DYRK1A: variants seen among roughly 807,000 people sequenced by gnomAD.
DYRK1A encodes the protein dual specificity tyrosine-phosphorylation-regulated kinase 1A.
Under a neutral mutation model 79.7 loss-of-function variants are expected in DYRK1A, and 9 were observed. That is an observed-to-expected ratio of 0.11 (90% CI 0.07 to 0.20). The LOEUF (loss-of-function observed/expected upper bound fraction) is 0.20. Ranked by LOEUF, DYRK1A falls within the 10% of genes least tolerant of loss-of-function variation. The pLI, the probability that DYRK1A is intolerant of heterozygous loss-of-function variation, is 1.00. For missense variants in DYRK1A, 622 were observed against 956.0 expected (o/e 0.65, Z 4.61); for synonymous variants, 349 against 329.7 (o/e 1.06, Z -0.63).
chr21:37,400,353 G>C (rs2050030739), intron 1 of DYRK1A, among the ~76,000 whole-genome samples: 1 of 152,034 alleles, frequency 6.6e-6, no homozygotes. Context: ...ACATTTATAG[G>C]TTTCACAGTG....
At chr21:37,482,039 T>G (rs973359072) in intron 5 of DYRK1A, among the ~76,000 whole-genome samples, 5 of 152,292 alleles carry the variant, frequency 3.3e-5, no homozygotes, top group Admixed American at 3.3e-4. Flanking sequence ...AACTTTTGAC[T>G]TTTCGATGAT....
At chr21:37,384,829 TTATAA>T (rs547519283) in intron 1 of DYRK1A, among the ~76,000 whole-genome samples, 180 of 152,214 alleles carry the variant, frequency 1.2e-3, no homozygotes, top group African/African-American at 4.2e-3. Flanking sequence ...GCAGCAAAAA[TTATAA>T]TATGTGATAT....
At chr21:37,417,529 C>CTTTTTCTT (rs1555959239) in intron 1 of DYRK1A, among the ~76,000 whole-genome samples, 973 of 43,962 alleles carry the variant, frequency 0.022, 37 homozygotes, top group Non-Finnish European at 0.03. Flanking sequence ...TTTTCTTTTT[C>CTTTTTCTT]TTTTTTTTTT....
intron 6 of DYRK1A, 114 bp downstream of exon 6, chr21:37,486,728 T>G: frequency 8.7e-7 from 1 of 1,143,076 alleles, no homozygotes; most frequent in Non-Finnish European, 1.1e-6. Flanking sequence ...GATTAAAAAT[T>G]TGTTTATTTC....
intron 3 of DYRK1A, 126 bp downstream of exon 3, chr21:37,473,006 T>G: frequency 2.8e-6 from 2 of 708,790 alleles, no homozygotes; most frequent in South Asian, 4.9e-5. Context: ...GATTATGGAT[T>G]GGGAAAACAT....
chr21:37,402,706 T>A (rs2050074978), intron 1 of DYRK1A, among the ~76,000 whole-genome samples: 1 of 151,876 alleles, frequency 6.6e-6, no homozygotes, highest in African/African-American at 2.4e-5. Context: ...TCTGTTCAGT[T>A]TTCTTTAGTC....
chr21:37,375,505 C>A, intron 1 of DYRK1A, among the ~76,000 whole-genome samples: 1 of 144,352 alleles, frequency 6.9e-6, no homozygotes. Flanking sequence ...TAGAATATTC[C>A]TAGAGGAATA....
chr21:37,457,243 C>G (rs2051681285), intron 2 of DYRK1A, among the ~76,000 whole-genome samples: 1 of 151,440 alleles, frequency 6.6e-6, no homozygotes, highest in Admixed American at 6.6e-5. Context: ...TTTTTGTATC[C>G]CCCCCGCAAG....
intron 1 of DYRK1A, among the ~76,000 whole-genome samples, chr21:37,370,195 A>G: frequency 6.6e-6 from 1 of 152,222 alleles, no homozygotes. Context: ...ATACCTTGTT[A>G]TAAACATGGT....
At chr21:37,464,034 A>G (rs2051940821) in intron 2 of DYRK1A, among the ~76,000 whole-genome samples, 1 of 152,258 alleles carries the variant, frequency 6.6e-6, no homozygotes, top group Non-Finnish European at 1.5e-5. Flanking sequence ...CATTACTAAC[A>G]AAGAAATTCA....
intron 1 of DYRK1A, among the ~76,000 whole-genome samples, chr21:37,406,829 TTA>T (rs60475064): frequency 0.013 from 1,874 of 147,742 alleles, 26 homozygotes; most frequent in African/African-American, 0.036. Flanking sequence ...ATATATGTAA[TTA>T]TATATATATA....
intron 2 of DYRK1A, among the ~76,000 whole-genome samples, chr21:37,440,215 A>G (rs982059841): frequency 4.7e-5 from 6 of 129,018 alleles, no homozygotes; most frequent in African/African-American, 1.7e-4. Flanking sequence ...GGTTCACTGC[A>G]ACCTCCGCCC....
At chr21:37,378,222 T>A (rs2049586787) in intron 1 of DYRK1A, among the ~76,000 whole-genome samples, 1 of 152,236 alleles carries the variant, frequency 6.6e-6, no homozygotes, top group Admixed American at 6.5e-5. Context: ...CTTCATCAGA[T>A]GTATGTTATA....
At chr21:37,393,443 G>T (rs1007731846) in intron 1 of DYRK1A, among the ~76,000 whole-genome samples, 3 of 152,046 alleles carry the variant, frequency 2.0e-5, no homozygotes, top group Admixed American at 2.0e-4. Flanking sequence ...TGGAAGATGG[G>T]GTCTTGACTC....
intron 2 of DYRK1A, 60 bp from the exon 3 acceptor site, chr21:37,472,619 TATGTC>T (rs2052262144): frequency 2.3e-6 from 3 of 1,319,554 alleles, no homozygotes; most frequent in Non-Finnish European, 3.1e-6. Flanking sequence ...AACCATTAGA[TATGTC>T]AAATGATACA....
At chr21:37,495,155 TGTGTGTGTGTGTG>T (rs2053226266) in intron 8 of DYRK1A, among the ~76,000 whole-genome samples, 5 of 4,206 alleles carry the variant, frequency 1.2e-3, no homozygotes, top group African/African-American at 2.4e-3. Flanking sequence ...TGGGATTTTG[TGTGTGTGTGTGTG>T]TGTGTGTGTG....
chr21:37,407,559 T>C (rs1019048193), intron 1 of DYRK1A, among the ~76,000 whole-genome samples: 6 of 152,204 alleles, frequency 3.9e-5, no homozygotes, highest in Non-Finnish European at 5.9e-5. Context: ...CAGATACTCA[T>C]AAGTAAGGCA....
chr21:37,384,194 T>C (rs1273429825), intron 1 of DYRK1A, among the ~76,000 whole-genome samples: 2 of 152,100 alleles, frequency 1.3e-5, no homozygotes, highest in African/African-American at 4.8e-5. Context: ...GTGGTTGTCA[T>C]TTGAGGAGCA....
intron 1 of DYRK1A, among the ~76,000 whole-genome samples, chr21:37,417,429 G>A (rs984611633): frequency 2.0e-5 from 3 of 151,602 alleles, no homozygotes; most frequent in African/African-American, 7.3e-5. Flanking sequence ...CCCAACCTCA[G>A]GTGATACGCC....
Sources: gnomAD v4.1 joint callset for allele counts (sites outside exome capture counted in the v4.1 genomes callset) on GRCh38, gnomAD v4.1.1 for gene constraint, MANE v1.5 for transcripts, NCBI Gene and HGNC (gene_info 2026-07-23, HGNC 2026-07-21) for gene names.